The following GALNT13 variants were observed in gnomAD, a reference collection of about 807,000 sequenced individuals.
The protein encoded by GALNT13 is polypeptide N-acetylgalactosaminyltransferase 13.
GALNT13 carries 28 observed loss-of-function variants against 64.2 expected under a neutral mutation model. The ratio of observed to expected loss-of-function variants is 0.44; its 90% CI spans 0.32 to 0.60. The LOEUF (loss-of-function observed/expected upper bound fraction) is 0.60. GALNT13 is among the 20% of genes least tolerant of loss of function. The pLI, the probability that GALNT13 is intolerant of heterozygous loss-of-function variation, is 0.05. For missense variants in GALNT13, 577 were observed against 669.8 expected (o/e 0.86, Z 1.53); for synonymous variants, 214 against 224.6 (o/e 0.95, Z 0.42).
At chr2:153,671,388 G>C in the GALNT13 span, among the ~76,000 whole-genome samples, 1 of 152,090 alleles carries the variant, frequency 6.6e-6, no homozygotes, top group Non-Finnish European at 1.5e-5. Context: ...AAGAGTGGGG[G>C]CCAATATTCA....
chr2:154,256,455 C>T (rs763615562), intron 7 of GALNT13, among the ~76,000 whole-genome samples: 4 of 152,100 alleles, frequency 2.6e-5, no homozygotes, highest in Admixed American at 1.3e-4. Context: ...GATAAAATGA[C>T]TTCTTATGAA....
chr2:153,654,086 AGTAGT>A, the GALNT13 span, among the ~76,000 whole-genome samples: 5 of 152,132 alleles, frequency 3.3e-5, no homozygotes, highest in African/African-American at 7.2e-5. Context: ...CCCCATGTAA[AGTAGT>A]GTAATCAAGC....
chr2:153,992,994 T>C (rs1695261230), intron 3 of GALNT13, among the ~76,000 whole-genome samples: 1 of 152,182 alleles, frequency 6.6e-6, no homozygotes, highest in South Asian at 2.1e-4. Context: ...GAAAATATAC[T>C]GTGAAATTAG....
chr2:153,971,862 T>G lies in GALNT13; in HGVS notation c.142+27223T>G, dbSNP rs145478153. ...AACCTGGACCCTCAGAATGTAACATTATTTGGAAATAATGTCTTCTCAGAT... is the reference window on the plus strand; with the variant it reads ...AACCTGGACCCTCAGAATGTAACATGATTTGGAAATAATGTCTTCTCAGAT... On this transcript the variant is annotated intron_variant, in intron 3 of 12. Transcript: ENST00000392825. 2.3e-3 allele frequency among the ~76,000 whole-genome samples: 351 copies of G among 152,246 alleles called. 2 individuals are homozygous for G. The highest frequency in any genetic ancestry group is 7.9e-3 in the African/African-American group (329 of 41,552).
intron 2 of GALNT13, among the ~76,000 whole-genome samples, chr2:153,905,795 C>T (rs1196132198): frequency 6.6e-6 from 1 of 151,972 alleles, no homozygotes; most frequent in African/African-American, 2.4e-5. Flanking sequence ...TTGGCATATT[C>T]AAATTGCCAA....
chr2:153,819,972 T>G, the GALNT13 span, among the ~76,000 whole-genome samples: 8 of 152,086 alleles, frequency 5.3e-5, no homozygotes, highest in Non-Finnish European at 8.8e-5. Context: ...GAAAGCCCAA[T>G]GAGATCAAAG....
chr2:154,427,749 A>T (rs1700533521), intron 11 of GALNT13, among the ~76,000 whole-genome samples: 1 of 152,156 alleles, frequency 6.6e-6, no homozygotes, highest in Non-Finnish European at 1.5e-5. Context: ...GCTAGATGCT[A>T]CTTACTCCTC....
intron 8 of GALNT13, among the ~76,000 whole-genome samples, chr2:154,269,848 A>G (rs1691226982): frequency 7.0e-6 from 1 of 142,386 alleles, no homozygotes; most frequent in Non-Finnish European, 1.5e-5. Flanking sequence ...ATATTTCTAG[A>G]TAAGAGGCAA....
chr2:153,817,343 T>G, the GALNT13 span, among the ~76,000 whole-genome samples: 1 of 152,214 alleles, frequency 6.6e-6, no homozygotes, highest in African/African-American at 2.4e-5. Flanking sequence ...CTCATAAAAT[T>G]CAGTTTTAGC....
the GALNT13 span, among the ~76,000 whole-genome samples, chr2:153,566,233 G>A: frequency 6.6e-6 from 1 of 151,352 alleles, no homozygotes; most frequent in Admixed American, 6.6e-5. Flanking sequence ...ATAAACTATA[G>A]TAAAGTAAGA....
chr2:153,759,390 T>C, the GALNT13 span, among the ~76,000 whole-genome samples: 14 of 152,296 alleles, frequency 9.2e-5, no homozygotes, highest in East Asian at 1.5e-3. Context: ...TCTGATCTTA[T>C]AGGGAAAGTT....
At chr2:153,330,448 G>C in the GALNT13 span, among the ~76,000 whole-genome samples, 1 of 152,038 alleles carries the variant, frequency 6.6e-6, no homozygotes, top group Non-Finnish European at 1.5e-5. Context: ...TCTTTTAGCA[G>C]TGTTTTGTAG....
At chr2:153,847,808 T>A in the GALNT13 span, among the ~76,000 whole-genome samples, 59 of 152,304 alleles carry the variant, frequency 3.9e-4, no homozygotes, top group Non-Finnish European at 7.1e-4. Context: ...TATTGAGAAA[T>A]GCTTCAGAAA....
chr2:154,381,355 C>G (rs1367678981), intron 9 of GALNT13, among the ~76,000 whole-genome samples: 2 of 152,082 alleles, frequency 1.3e-5, no homozygotes, highest in African/African-American at 2.4e-5. Flanking sequence ...AGATCACTTT[C>G]CTCAGAGAAG....
the GALNT13 span, among the ~76,000 whole-genome samples, chr2:153,658,357 A>C: frequency 6.6e-6 from 1 of 151,850 alleles, no homozygotes; most frequent in Non-Finnish European, 1.5e-5. Context: ...ATTCACTTCC[A>C]TGGCACTGAT....
intron 2 of GALNT13, among the ~76,000 whole-genome samples, chr2:153,917,790 G>A (rs776587555): frequency 2.0e-5 from 3 of 152,016 alleles, no homozygotes; most frequent in Non-Finnish European, 4.4e-5. Flanking sequence ...GAGCAGCCTT[G>A]GAGTCAAACT....
intron 9 of GALNT13, among the ~76,000 whole-genome samples, chr2:154,340,535 G>T (rs977067493): frequency 2.0e-5 from 3 of 151,972 alleles, no homozygotes; most frequent in African/African-American, 7.3e-5. Flanking sequence ...ATTATTCCGT[G>T]TGTTGCCTGA....
the GALNT13 span, among the ~76,000 whole-genome samples, chr2:153,829,105 A>G: frequency 6.6e-6 from 1 of 152,116 alleles, no homozygotes; most frequent in Non-Finnish European, 1.5e-5. Context: ...CCATTCAACA[A>G]GTATCTAGGG....
At chr2:153,450,024 T>C in the GALNT13 span, among the ~76,000 whole-genome samples, 2 of 152,298 alleles carry the variant, frequency 1.3e-5, no homozygotes, top group African/African-American at 2.4e-5. Flanking sequence ...ATCTTTCTGG[T>C]TGAAAAACCC....
Sources: gnomAD v4.1 joint callset for allele counts (sites outside exome capture counted in the v4.1 genomes callset) on GRCh38, gnomAD v4.1.1 for gene constraint, MANE v1.5 for transcripts, NCBI Gene and HGNC (gene_info 2026-07-23, HGNC 2026-07-21) for gene names.